Variants in RGS7BP observed in about 807,000 individuals in gnomAD.
The protein encoded by RGS7BP is regulator of G protein signaling 7-binding protein.
Under a neutral mutation model 31.3 loss-of-function variants are expected in RGS7BP, and 9 were observed. The observed-to-expected ratio is 0.29, with a 90% confidence interval of 0.17 to 0.50. The LOEUF (loss-of-function observed/expected upper bound fraction) is 0.50. Among genes scored for constraint, RGS7BP ranks in the 20% least tolerant of loss-of-function variants. The pLI is 0.98. For missense variants in RGS7BP, 274 were observed against 322.0 expected (o/e 0.85, Z 1.14); for synonymous variants, 115 against 120.1 (o/e 0.96, Z 0.28).
Position 64,506,826 on chromosome 5 carries a change from A to G in RGS7BP, c.165+37A>G. 8.0e-7 allele frequency: 1 copy of G among 1,256,366 alleles called. No individual in the cohort carries two copies. Among genetic ancestry groups the G allele is most frequent in the Non-Finnish European group, 1.1e-6 (1 of 899,308 alleles). The allele number at this position is 1,256,366 out of a possible 1,614,324, so 77.8% of individuals were successfully genotyped here. ...CTGCGCCTCTTTTTTTTTTTTTTTA[A>G]TTGAGAGGGGGTGGGGGGAGTCATG... On this transcript the variant is annotated intron_variant, in intron 1 of 5. Coordinates refer to ENST00000334025, the MANE Select transcript of RGS7BP (RefSeq NM_001029875.3). The surrounding 1 kb of genome is among the most constrained non-coding windows in gnomAD (Gnocchi z 4.6).
chr5:64,575,945 G>C (rs371360358), intron 3 of RGS7BP, 41 bp downstream of exon 3: 23 of 1,581,826 alleles, frequency 1.5e-5, no homozygotes, highest in Middle Eastern at 1.9e-4. Context: ...GAGGAATGTT[G>C]AACAAAAGCT....
In RGS7BP at chr5:64,609,315, C is replaced by T. The variant is rs2111990699; in HGVS notation, c.*63C>T. ...AAAAATCACAAAACCCGAGGACCTC[C>T]AGACAGCTGAACCACACAGTTATTG... On this transcript the variant is annotated 3_prime_UTR_variant, in exon 6 of 6. Transcript: ENST00000334025. The T allele has an allele frequency of 1.1e-6, 1 of 910,160 alleles. No individual in the cohort carries two copies. Among genetic ancestry groups the T allele is most frequent in the Admixed American group, 1.7e-5 (1 of 58,630 alleles). The allele number at this position is 910,160 out of a possible 1,614,324, so 56.4% of individuals were successfully genotyped here.
At chr5:64,522,223 C>G (rs112737250) in intron 2 of RGS7BP, among the ~76,000 whole-genome samples, 448 of 152,294 alleles carry the variant, frequency 2.9e-3, no homozygotes, top group African/African-American at 0.01. Context: ...GAAATACTCA[C>G]CCTACTGAAT....
intron 2 of RGS7BP, among the ~76,000 whole-genome samples, chr5:64,547,424 C>T (rs1477094080): frequency 6.6e-6 from 1 of 152,198 alleles, no homozygotes; most frequent in East Asian, 1.9e-4. Flanking sequence ...GGTGAGCAGA[C>T]ATTTTGAAAT....
intron 5 of RGS7BP, among the ~76,000 whole-genome samples, chr5:64,598,991 A>G (rs1263490715): frequency 1.3e-5 from 2 of 152,196 alleles, no homozygotes; most frequent in African/African-American, 4.8e-5. Flanking sequence ...ATGTGAAATC[A>G]GGCAGTGTGT....
intron 2 of RGS7BP, among the ~76,000 whole-genome samples, chr5:64,553,481 C>G (rs1289570884): frequency 6.6e-6 from 1 of 152,010 alleles, no homozygotes; most frequent in Non-Finnish European, 1.5e-5. Flanking sequence ...CCCTTCCTTT[C>G]TTCCTTTATT....
intron 5 of RGS7BP, among the ~76,000 whole-genome samples, chr5:64,602,735 G>T (rs1743252047): frequency 6.6e-6 from 1 of 152,110 alleles, no homozygotes; most frequent in African/African-American, 2.4e-5. Flanking sequence ...CACACAATCG[G>T]AAAGACGCAG....
chr5:64,574,169 C>T (rs972204271), intron 2 of RGS7BP, among the ~76,000 whole-genome samples: 2 of 151,934 alleles, frequency 1.3e-5, no homozygotes, highest in African/African-American at 4.8e-5. Context: ...TTACATGAAC[C>T]ATTAATGCCC....
At chr5:64,590,287 G>A (rs1417609263) in intron 3 of RGS7BP, among the ~76,000 whole-genome samples, 1 of 151,932 alleles carries the variant, frequency 6.6e-6, no homozygotes, top group African/African-American at 2.4e-5. Flanking sequence ...AAAAACTAAC[G>A]AATTTTGCAT....
chr5:64,519,674 T>C (rs1160076649), intron 2 of RGS7BP, among the ~76,000 whole-genome samples: 1 of 152,222 alleles, frequency 6.6e-6, no homozygotes, highest in East Asian at 1.9e-4. Context: ...GGAGTTTAAA[T>C]GTGCTAAGAG....
intron 2 of RGS7BP, among the ~76,000 whole-genome samples, chr5:64,565,606 C>T (rs10035273): frequency 0.14 from 21,908 of 152,036 alleles, 2,730 homozygotes; most frequent in African/African-American, 0.33. Context: ...AGCACCGTAA[C>T]CCCAGCCTTC....
intron 2 of RGS7BP, among the ~76,000 whole-genome samples, chr5:64,525,428 A>G (rs1749208442): frequency 6.6e-6 from 1 of 152,068 alleles, no homozygotes; most frequent in Non-Finnish European, 1.5e-5. Context: ...GCTGTATCCT[A>G]CTCCTTGATA....
chr5:64,542,857 G>GTC (rs1485025572), intron 2 of RGS7BP, among the ~76,000 whole-genome samples: 4 of 152,188 alleles, frequency 2.6e-5, no homozygotes, highest in Non-Finnish European at 5.9e-5. Context: ...CATGATGCTT[G>GTC]TCTCTTTTAT....
chr5:64,583,640 G>T (rs1193127071), intron 3 of RGS7BP, among the ~76,000 whole-genome samples: 2 of 152,152 alleles, frequency 1.3e-5, no homozygotes, highest in African/African-American at 2.4e-5. Context: ...ACTTTGGAAG[G>T]GCTGGTCAAA....
At chr5:64,555,956 C>A (rs1741913389) in intron 2 of RGS7BP, among the ~76,000 whole-genome samples, 1 of 152,088 alleles carries the variant, frequency 6.6e-6, no homozygotes, top group African/African-American at 2.4e-5. Flanking sequence ...CCATATTGCT[C>A]AGCACAGGAA....
chr5:64,550,385 T>A (rs909731849), intron 2 of RGS7BP, among the ~76,000 whole-genome samples: 4 of 152,134 alleles, frequency 2.6e-5, no homozygotes, highest in Non-Finnish European at 4.4e-5. Flanking sequence ...AGCTTTCTGA[T>A]GTCTCTTTTT....
rs111679028 is a variant in RGS7BP, at chr5:64,559,562, A to G, written c.333-16212A>G. Among the ~76,000 whole-genome samples, 971 of 152,276 alleles carry G rather than the reference A, an allele frequency of 6.4e-3. 10 individuals carry two copies. Among genetic ancestry groups the G allele is most frequent in the African/African-American group, 0.022 (919 of 41,560 alleles). On this transcript the variant is annotated intron_variant, in intron 2 of 5. Coordinates refer to ENST00000334025, the MANE Select transcript of RGS7BP (RefSeq NM_001029875.3). The stretch of plus-strand genomic sequence containing the variant: ...AATATCTCTGCTGGCATGTTGTATT[A>G]TTTCAGGCTAACACCTTAGCCAATG...
At chr5:64,603,672 G>A (rs1743278823) in intron 5 of RGS7BP, among the ~76,000 whole-genome samples, 1 of 152,202 alleles carries the variant, frequency 6.6e-6, no homozygotes, top group Non-Finnish European at 1.5e-5. Flanking sequence ...TAACAACAAG[G>A]TAGTCACTTG....
At chr5:64,517,298 T>C (rs1228653896) in intron 2 of RGS7BP, among the ~76,000 whole-genome samples, 4 of 152,158 alleles carry the variant, frequency 2.6e-5, no homozygotes, top group African/African-American at 4.8e-5. Context: ...TCACACCTAA[T>C]TGCAAGCAAG....
Sources: allele counts gnomAD v4.1 joint callset (sites outside exome capture counted in the v4.1 genomes callset), GRCh38; gene constraint gnomAD v4.1.1; non-coding constraint Gnocchi (gnomAD v3.1); transcripts MANE v1.5; gene names NCBI Gene and HGNC (gene_info 2026-07-23, HGNC 2026-07-21).